The following FBRSL1 variants were observed in gnomAD, a reference collection of about 807,000 sequenced individuals.
The protein encoded by FBRSL1 is fibrosin-1-like protein.
FBRSL1 carries 51 observed loss-of-function variants against 89.6 expected under a neutral mutation model. The observed-to-expected ratio is 0.57, with a 90% CI of 0.45 to 0.72. FBRSL1 has a LOEUF of 0.72. Ranked by LOEUF, FBRSL1 falls within the 30% of genes least tolerant of loss-of-function variation. The probability of loss-of-function intolerance (pLI) is 0.00; values close to 1 mark genes in which losing one functional copy is unlikely to be tolerated. For synonymous variants in FBRSL1, 779 were observed against 681.1 expected, an observed-to-expected ratio of 1.14 and a Z score of -2.24; for missense variants, 1,618 against 1,451.8, an observed-to-expected ratio of 1.11 and a Z score of -1.86.
chr12:132,584,727 C>G lies in FBRSL1; in HGVS notation c.*949C>G, dbSNP rs938480117. ...GCCGGCTCCAGCCGCAAGGGCGATG[C>G]TGTGGACGTTTGTGTGGATGGTGCA... On this transcript the variant is annotated 3_prime_UTR_variant, in exon 19 of 19. Coordinates refer to ENST00000680143, the MANE Select transcript of FBRSL1 (RefSeq NM_001367871.1). The G allele has an allele frequency of 3.3e-5, 5 of 152,428 alleles. No homozygotes were observed. Among genetic ancestry groups the G allele is most frequent in the Non-Finnish European group, 7.3e-5 (5 of 68,234 alleles). 9.4% of individuals were successfully genotyped at this position (152,428 alleles called of 1,614,324 possible).
In FBRSL1 at chr12:132,563,427, A is replaced by ACCTGGCCCCCACAGCCTGCACCCCACG. The variant is rs2039315099; in HGVS notation, c.646-4032_646-4031insCCACGCCTGGCCCCCACAGCCTGCACC. Among the ~76,000 whole-genome samples, 27 of 121,202 alleles carry ACCTGGCCCCCACAGCCTGCACCCCACG rather than the reference A, an allele frequency of 2.2e-4. 13 individuals carry two copies. Among genetic ancestry groups the ACCTGGCCCCCACAGCCTGCACCCCACG allele is most frequent in the Non-Finnish European group, 2.9e-4 (16 of 55,194 alleles). 79.5% of individuals were successfully genotyped at this position (121,202 alleles called of 152,430 possible). On this transcript the variant is annotated intron_variant, in intron 5 of 18. Transcript: ENST00000680143. ...CTGGTCCCCACAGCCTGCACCCCACACCTGGCCCCCACAGCCTGCACCATG... is the reference window on the plus strand; with the variant it reads ...CTGGTCCCCACAGCCTGCACCCCACACCTGGCCCCCACAGCCTGCACCCCACGCCTGGCCCCCACAGCCTGCACCATG...
chr12:132,520,336 C>T (rs1388964945), intron 2 of FBRSL1, among the ~76,000 whole-genome samples: 6 of 152,154 alleles, frequency 3.9e-5, no homozygotes. Context: ...TGGGACGCTC[C>T]CCAGGGCTCT....
intron 1 of FBRSL1, among the ~76,000 whole-genome samples, chr12:132,491,888 C>T (rs1176083245): frequency 1.3e-5 from 2 of 152,216 alleles, no homozygotes; most frequent in Non-Finnish European, 1.5e-5. Flanking sequence ...CTTCGTGTCC[C>T]AAGTGCACGG....
In FBRSL1 at chr12:132,581,738, C is replaced by T; in HGVS notation, c.1913-3C>T. 1 of 1,550,156 alleles carries T rather than the reference C, an allele frequency of 6.5e-7. No homozygotes were observed. The highest frequency in any genetic ancestry group is 8.7e-7 in the Non-Finnish European group (1 of 1,146,812). Reference sequence around the variant, plus strand: ...CCTCTGGGTCCCGCGGTTGCCCCCACAGACCCTTTCAGCAGACCGAGCACC... The same window carrying T: ...CCTCTGGGTCCCGCGGTTGCCCCCATAGACCCTTTCAGCAGACCGAGCACC... On this transcript the variant is annotated splice_region_variant and splice_polypyrimidine_tract_variant and intron_variant, in intron 16 of 18. Transcript: ENST00000680143.
In FBRSL1 at chr12:132,528,006, C is replaced by T; in HGVS notation, c.615+18C>T. 6.4e-7 allele frequency: 1 copy of T among 1,550,914 alleles called. No homozygotes were observed. The highest frequency in any genetic ancestry group is 8.7e-7 in the Non-Finnish European group (1 of 1,146,438). On this transcript the variant is annotated intron_variant, in intron 4 of 18. Coordinates refer to ENST00000680143, the MANE Select transcript of FBRSL1 (RefSeq NM_001367871.1). The stretch of plus-strand genomic sequence containing the variant: ...GCTACTCTGTAAGTCTCCCAGCACC[C>T]CTCCTCCATCTTTGTCCCCCTGGGG...
intron 5 of FBRSL1, among the ~76,000 whole-genome samples, chr12:132,564,204 G>A (rs569866357): frequency 6.6e-5 from 10 of 152,270 alleles, no homozygotes; most frequent in African/African-American, 2.4e-4. Flanking sequence ...GCTGGGCCTG[G>A]CTTCACCCCA....
intron 15 of FBRSL1, among the ~76,000 whole-genome samples, chr12:132,578,367 A>ACACACACACACACACACAC (rs1566244737): frequency 1.8e-4 from 27 of 151,870 alleles, no homozygotes; most frequent in Non-Finnish European, 2.7e-4. Flanking sequence ...ACACACACAC[A>ACACACACACACACACACAC]AAATCATAGA....
rs754133474 is a variant in FBRSL1 at position 132,581,441 on chromosome 12, G to C, written c.1837G>C (p.Ala613Pro). 3.2e-6 allele frequency: 5 copies of C among 1,550,914 alleles called. No homozygotes were observed. Among genetic ancestry groups the C allele is most frequent in the Non-Finnish European group, 4.4e-6 (5 of 1,146,922 alleles). ...LARPLFPSTG[A>P]AHPASNPFGP... The stretch of plus-strand genomic sequence containing the variant: ...TCAAACCTGGCTGCCCCCCCCAGGT[G>C]CCGCCCATCCTGCCTCCAACCCATT... The change falls in exon 16 of 19, where the codon GCC (alanine) becomes CCC (proline). Residue 613 changes from alanine to proline, a missense_variant and splice_region_variant. Transcript: ENST00000680143.
At chr12:132,560,582 C>T (rs1231685140) in intron 5 of FBRSL1, among the ~76,000 whole-genome samples, 1 of 152,194 alleles carries the variant, frequency 6.6e-6, no homozygotes, top group African/African-American at 2.4e-5. Context: ...AGTTGGAGTT[C>T]TTTGTCTGGG....
At chr12:132,543,892 G>C (rs1402698923) in intron 4 of FBRSL1, among the ~76,000 whole-genome samples, 1 of 152,190 alleles carries the variant, frequency 6.6e-6, no homozygotes, top group Non-Finnish European at 1.5e-5. Flanking sequence ...GAGCTTCCCA[G>C]GGCCTGGGGG....
At chr12:132,581,077 G>A (rs960953258) in intron 15 of FBRSL1, 1 of 985,504 alleles carries the variant, frequency 1.0e-6, no homozygotes, top group East Asian at 1.1e-4. Flanking sequence ...GCTCCCAGGT[G>A]AAAGCTCTGA....
chr12:132,570,305 C>T lies in FBRSL1; in HGVS notation c.1008-30C>T, dbSNP rs900853058. On this transcript the variant is annotated intron_variant, in intron 7 of 18. Coordinates refer to ENST00000680143, the MANE Select transcript of FBRSL1 (RefSeq NM_001367871.1). The stretch of plus-strand genomic sequence containing the variant: ...GGATGGGGGCTCTGCAGGGGTCGGG[C>T]TGGCAGGCACTGAGCCCCGTGTCCC... 35 of 1,520,786 alleles carry T rather than the reference C, an allele frequency of 2.3e-5. No homozygotes were observed. The East Asian group carries it at 8.5e-4, about 37-fold the overall frequency. The allele number at this position is 1,520,786 out of a possible 1,614,324, so 94.2% of individuals were successfully genotyped here.
intron 1 of FBRSL1, among the ~76,000 whole-genome samples, chr12:132,492,360 T>G (rs1304198948): frequency 6.6e-6 from 1 of 152,178 alleles, no homozygotes; most frequent in African/African-American, 2.4e-5. Context: ...TTGCCCACCT[T>G]CTTTTTGTCA....
intron 2 of FBRSL1, among the ~76,000 whole-genome samples, chr12:132,513,941 C>T: frequency 6.6e-6 from 1 of 152,230 alleles, no homozygotes; most frequent in Non-Finnish European, 1.5e-5. Context: ...GGTGTGTGGG[C>T]ATCTGCCTGC....
chr12:132,528,452 A>G (rs1279939720), intron 4 of FBRSL1, among the ~76,000 whole-genome samples: 2 of 151,808 alleles, frequency 1.3e-5, no homozygotes, highest in Non-Finnish European at 2.9e-5. Flanking sequence ...CACCTGCCTC[A>G]CCCCGGACAG....
chr12:132,538,179 G>A (rs2036922106), intron 4 of FBRSL1, among the ~76,000 whole-genome samples: 1 of 152,216 alleles, frequency 6.6e-6, no homozygotes, highest in Non-Finnish European at 1.5e-5. Context: ...TCCTGAGACG[G>A]AAGGGGCCTG....
chr12:132,501,644 G>A (rs2032975083), intron 1 of FBRSL1, among the ~76,000 whole-genome samples: 1 of 152,184 alleles, frequency 6.6e-6, no homozygotes, highest in African/African-American at 2.4e-5. Context: ...GAGTGAGAGG[G>A]GCTGCCGTGA....
At chr12:132,559,422 C>T (rs185817674) in intron 5 of FBRSL1, among the ~76,000 whole-genome samples, 97 of 152,326 alleles carry the variant, frequency 6.4e-4, no homozygotes, top group African/African-American at 2.3e-3. Flanking sequence ...GACCTTGTCT[C>T]GCTCTGTCAC....
intron 4 of FBRSL1, among the ~76,000 whole-genome samples, chr12:132,528,551 C>T (rs995635281): frequency 6.7e-6 from 1 of 150,234 alleles, no homozygotes; most frequent in African/African-American, 2.5e-5. Context: ...GCCTTCATGA[C>T]GGGTGTGTGC....
Sources: allele counts gnomAD v4.1 joint callset (sites outside exome capture counted in the v4.1 genomes callset), GRCh38; gene constraint gnomAD v4.1.1; transcripts MANE v1.5; gene names NCBI Gene and HGNC (gene_info 2026-07-23, HGNC 2026-07-21).